Variants in TANGO6 observed in about 807,000 individuals in gnomAD.
The protein encoded by TANGO6 is transport and Golgi organization protein 6 homolog.
In TANGO6, 90 loss-of-function variants were observed where a neutral mutation model predicts 114.2. The observed-to-expected ratio is 0.79, with a 90% CI of 0.66 to 0.94. TANGO6 has a LOEUF of 0.94. Ranked by LOEUF, TANGO6 falls within the 40% of genes least tolerant of loss-of-function variation. TANGO6 has a pLI of 0.00. For missense variants in TANGO6, 1,274 were observed against 1,315.3 expected, an observed-to-expected ratio of 0.97 and a Z score of 0.49; for synonymous variants, 477 against 509.8, an observed-to-expected ratio of 0.94 and a Z score of 0.87.
intron 15 of TANGO6, among the ~76,000 whole-genome samples, chr16:68,998,589 G>A (rs1204060703): frequency 1.3e-5 from 2 of 152,036 alleles, no homozygotes; most frequent in African/African-American, 2.4e-5. Flanking sequence ...ACATTAGCCA[G>A]ATGTGGTGGT....
chr16:68,855,367 A>C (rs1012756485), intron 1 of TANGO6, among the ~76,000 whole-genome samples: 11 of 150,520 alleles, frequency 7.3e-5, no homozygotes, highest in African/African-American at 2.7e-4. Flanking sequence ...AGATCACCTG[A>C]GCTCAGGAGT....
chr16:68,986,237 T>C (rs1327443513), intron 15 of TANGO6, among the ~76,000 whole-genome samples: 5 of 151,950 alleles, frequency 3.3e-5, no homozygotes, highest in Admixed American at 6.6e-5. Context: ...ATCTGAAGAG[T>C]TTGCTTTTAG....
At chr16:69,003,068 T>G (rs1334789173) in intron 15 of TANGO6, among the ~76,000 whole-genome samples, 1 of 152,022 alleles carries the variant, frequency 6.6e-6, no homozygotes, top group African/African-American at 2.4e-5. Context: ...TTTTTAAATC[T>G]TTTATCATTA....
At chr16:69,004,367 TG>T (rs1459055771) in intron 15 of TANGO6, among the ~76,000 whole-genome samples, 196 of 151,776 alleles carry the variant, frequency 1.3e-3, no homozygotes, top group African/African-American at 4.2e-3. Context: ...TTTTTTTTTT[TG>T]TTTTTGAGAT....
At chr16:68,919,848 CCTGGT>C (rs1489045186) in intron 12 of TANGO6, among the ~76,000 whole-genome samples, 1 of 151,992 alleles carries the variant, frequency 6.6e-6, no homozygotes, top group Non-Finnish European at 1.5e-5. Flanking sequence ...TTGAGACCAG[CCTGGT>C]CAACATGGTG....
chr16:68,874,027 T>C (rs1209783164), intron 4 of TANGO6, among the ~76,000 whole-genome samples: 1 of 152,242 alleles, frequency 6.6e-6, no homozygotes, highest in East Asian at 1.9e-4. Flanking sequence ...GGAACACAAC[T>C]CTTCCCAGCC....
chr16:69,038,303 GC>G (rs1459348234), intron 16 of TANGO6, among the ~76,000 whole-genome samples: 9 of 151,946 alleles, frequency 5.9e-5, no homozygotes, highest in African/African-American at 1.9e-4. Context: ...GGTGACACGC[GC>G]CTGTAGTCCT....
intron 14 of TANGO6, among the ~76,000 whole-genome samples, chr16:68,944,858 G>A (rs1329261470): frequency 3.3e-5 from 5 of 152,210 alleles, no homozygotes; most frequent in Non-Finnish European, 7.3e-5. Flanking sequence ...TCTTCCATAT[G>A]TCTGAAGAAC....
intron 17 of TANGO6, among the ~76,000 whole-genome samples, chr16:69,062,985 T>G (rs1960147123): frequency 6.6e-6 from 1 of 151,114 alleles, no homozygotes. Flanking sequence ...CCCAGAACTT[T>G]GGGAGGCCGA....
intron 6 of TANGO6, among the ~76,000 whole-genome samples, chr16:68,880,258 C>A (rs1387520637): frequency 2.0e-5 from 3 of 152,160 alleles, no homozygotes; most frequent in African/African-American, 7.2e-5. Flanking sequence ...AGTTGTGAGC[C>A]ACCACACCTG....
chr16:69,040,462 T>C (rs1204224600), intron 17 of TANGO6, 41 bp downstream of exon 17: 8 of 1,489,944 alleles, frequency 5.4e-6, no homozygotes, highest in Non-Finnish European at 7.3e-6. Context: ...TCCACCTCTT[T>C]TATTTGTCTA....
chr16:68,940,078 C>T lies in TANGO6; in HGVS notation c.2701+9783C>T, dbSNP rs569594837. On this transcript the variant is annotated intron_variant, in intron 14 of 17. Coordinates refer to ENST00000261778, the MANE Select transcript of TANGO6 (RefSeq NM_024562.2). ...TCATTTCCTTTCTTTCCCTTCTTTCCTTTCTCTCTCTCTCTCCTTCCTTCC... is the reference window on the plus strand; with the variant it reads ...TCATTTCCTTTCTTTCCCTTCTTTCTTTTCTCTCTCTCTCTCCTTCCTTCC... Among the ~76,000 whole-genome samples, 20 of 148,600 alleles carry T rather than the reference C, an allele frequency of 1.3e-4. 1 individual carries two copies. Among genetic ancestry groups the T allele is most frequent in the Admixed American group, 1.3e-3 (19 of 14,658 alleles).
chr16:69,001,994 C>A (rs1393168292), intron 15 of TANGO6, among the ~76,000 whole-genome samples: 2 of 152,040 alleles, frequency 1.3e-5, no homozygotes, highest in African/African-American at 2.4e-5. Flanking sequence ...ATTTCTGATA[C>A]CCCCAAAAGT....
chr16:69,000,915 C>T (rs1435607446), intron 15 of TANGO6, among the ~76,000 whole-genome samples: 1 of 152,180 alleles, frequency 6.6e-6, no homozygotes, highest in African/African-American at 2.4e-5. Flanking sequence ...TTTTAGTCAA[C>T]TTGCTCCCAC....
intron 14 of TANGO6, among the ~76,000 whole-genome samples, chr16:68,969,040 C>G (rs1597041090): frequency 6.6e-6 from 1 of 152,162 alleles, no homozygotes; most frequent in Admixed American, 6.5e-5. Flanking sequence ...GTTCAGAATG[C>G]GTCTGTGAAC....
chr16:68,864,996 TG>T (rs1962153848), intron 3 of TANGO6, among the ~76,000 whole-genome samples: 4 of 151,956 alleles, frequency 2.6e-5, no homozygotes, highest in Admixed American at 2.6e-4. Flanking sequence ...AGTGCAGTGG[TG>T]CCGGGCGTGG....
chr16:68,906,154 T>C (rs556029664), intron 9 of TANGO6, among the ~76,000 whole-genome samples: 2 of 152,294 alleles, frequency 1.3e-5, no homozygotes, highest in South Asian at 4.1e-4. Context: ...CATTCCAGCC[T>C]GGGCAACAGG....
At chr16:68,851,786 T>C (rs1961906846) in intron 1 of TANGO6, among the ~76,000 whole-genome samples, 1 of 152,206 alleles carries the variant, frequency 6.6e-6, no homozygotes. Context: ...CTACCAACAA[T>C]GTATGAGAGT....
intron 1 of TANGO6, among the ~76,000 whole-genome samples, chr16:68,856,597 C>T (rs1446427668): frequency 2.0e-5 from 3 of 152,194 alleles, no homozygotes; most frequent in Admixed American, 2.0e-4. Context: ...ATACTCCCTT[C>T]CCTACCCCAA....
Sources: gnomAD v4.1 joint callset for allele counts (sites outside exome capture counted in the v4.1 genomes callset) on GRCh38, gnomAD v4.1.1 for gene constraint, MANE v1.5 for transcripts, NCBI Gene and HGNC (gene_info 2026-07-23, HGNC 2026-07-21) for gene names.